The following GNG12 variants were observed in gnomAD, a reference collection of about 807,000 sequenced individuals.
GNG12 encodes the protein guanine nucleotide-binding protein G(I)/G(S)/G(O) subunit gamma-12.
For missense variants in GNG12, 69 were observed against 83.8 expected, an observed-to-expected ratio of 0.82 and a Z score of 0.69; for synonymous variants, 28 against 29.7, an observed-to-expected ratio of 0.94 and a Z score of 0.19.
chr1:67,709,878 T>A lies in GNG12; in HGVS notation c.-26-2166A>T, dbSNP rs1420661814. On this transcript the variant is annotated intron_variant, in intron 2 of 3. Coordinates refer to ENST00000370982, the MANE Select transcript of GNG12 (RefSeq NM_018841.6). ...TATATATATATAGTTATATATATAT[T>A]TATATATATAGTTATATATATATTT... Among the ~76,000 whole-genome samples the A allele has an allele frequency of 2.9e-4, 35 of 119,722 alleles. 2 individuals carry two copies. The highest frequency in any genetic ancestry group is 1.2e-3 in the African/African-American group (34 of 29,334). The allele number at this position is 119,722 out of a possible 152,430, so 78.5% of individuals were successfully genotyped here. A position where few individuals can be genotyped will look rare whatever the true frequency, so the allele number is the denominator to read the frequency against.
chr1:67,801,956 G>T (rs374291687), intron 1 of GNG12, among the ~76,000 whole-genome samples: 1 of 150,592 alleles, frequency 6.6e-6, no homozygotes, highest in Non-Finnish European at 1.5e-5. Context: ...AGAAGGAAGG[G>T]GGGTGAGGAA....
At chr1:67,813,900 CAT>C (rs1358565163) in intron 1 of GNG12, among the ~76,000 whole-genome samples, 6 of 151,702 alleles carry the variant, frequency 4.0e-5, no homozygotes, top group African/African-American at 4.8e-5. Flanking sequence ...TGTAAGTATT[CAT>C]ATATATATGT....
At chr1:67,750,270 C>T (rs989335544) in intron 2 of GNG12, among the ~76,000 whole-genome samples, 1 of 152,168 alleles carries the variant, frequency 6.6e-6, no homozygotes, top group Admixed American at 6.5e-5. Context: ...TGGTGTGCCT[C>T]TGGGGGATTA....
intron 1 of GNG12, among the ~76,000 whole-genome samples, chr1:67,797,812 A>G (rs535175445): frequency 1.3e-5 from 2 of 152,244 alleles, no homozygotes; most frequent in South Asian, 4.2e-4. Flanking sequence ...TAACGAGAGA[A>G]CCATCCCCTC....
chr1:67,774,790 T>C (rs559957742), intron 2 of GNG12, among the ~76,000 whole-genome samples: 1 of 152,292 alleles, frequency 6.6e-6, no homozygotes, highest in South Asian at 2.1e-4. Context: ...GATAATAGCA[T>C]AGTGTCTTTT....
chr1:67,737,148 T>A (rs1210089013), intron 2 of GNG12, among the ~76,000 whole-genome samples: 1 of 152,214 alleles, frequency 6.6e-6, no homozygotes, highest in Admixed American at 6.5e-5. Context: ...TAGTACTCAT[T>A]AGGTAAATTA....
intron 2 of GNG12, among the ~76,000 whole-genome samples, chr1:67,718,268 T>C (rs971278283): frequency 3.3e-5 from 5 of 152,152 alleles, no homozygotes; most frequent in African/African-American, 9.7e-5. Context: ...GAGGCCTCCT[T>C]TTGCTTCTGC....
chr1:67,788,072 T>G (rs2100779334), intron 1 of GNG12, among the ~76,000 whole-genome samples: 1 of 152,356 alleles, frequency 6.6e-6, no homozygotes, highest in South Asian at 2.1e-4. Flanking sequence ...CCAAGCTAAC[T>G]TGAATCCTTT....
rs1646223569 is a variant in GNG12, at chr1:67,702,858, A to C, written c.*2593T>G. On this transcript the variant is annotated 3_prime_UTR_variant, in exon 4 of 4. Transcript: ENST00000370982. Reference sequence around the variant, plus strand: ...GAATATATTGAAACAGCTTCATGGAAATGAAGCCAAGAAGTTGCATGTATA... The same window carrying C: ...GAATATATTGAAACAGCTTCATGGACATGAAGCCAAGAAGTTGCATGTATA... 1 of 152,196 alleles carries C rather than the reference A, an allele frequency of 6.6e-6. No homozygotes were observed. The highest frequency in any genetic ancestry group is 1.5e-5 in the Non-Finnish European group (1 of 68,022). The allele number at this position is 152,196 out of a possible 1,614,324, so 9.4% of individuals were successfully genotyped here. A position where few individuals can be genotyped will look rare whatever the true frequency, so the allele number is the denominator to read the frequency against.
At chr1:67,778,771 C>T (rs1234102441) in intron 1 of GNG12, among the ~76,000 whole-genome samples, 1 of 152,176 alleles carries the variant, frequency 6.6e-6, no homozygotes, top group Admixed American at 6.5e-5. Context: ...TTACCCACCA[C>T]CCTCTCAATT....
At chr1:67,793,782 C>T (rs1166355714) in intron 1 of GNG12, among the ~76,000 whole-genome samples, 1 of 152,216 alleles carries the variant, frequency 6.6e-6, no homozygotes, top group East Asian at 1.9e-4. Flanking sequence ...CTGTCCCCTC[C>T]TTCCTCAAAC....
At chr1:67,784,329 G>A (rs1019627379) in intron 1 of GNG12, among the ~76,000 whole-genome samples, 3 of 113,194 alleles carry the variant, frequency 2.7e-5, no homozygotes, top group Non-Finnish European at 5.2e-5. Context: ...GGTGGGGGGA[G>A]GGGGGAGGGA....
At chr1:67,720,397 A>C (rs1646350243) in intron 2 of GNG12, among the ~76,000 whole-genome samples, 1 of 152,184 alleles carries the variant, frequency 6.6e-6, no homozygotes, top group Admixed American at 6.5e-5. Context: ...TACAGTCAAC[A>C]CTAAGAATGA....
intron 2 of GNG12, among the ~76,000 whole-genome samples, chr1:67,717,522 A>T (rs1302385808): frequency 6.6e-6 from 1 of 152,078 alleles, no homozygotes; most frequent in African/African-American, 2.4e-5. Flanking sequence ...TCAAAAAAAA[A>T]AAAAAAGGAC....
intron 2 of GNG12, among the ~76,000 whole-genome samples, chr1:67,714,616 G>C (rs1646314543): frequency 6.6e-6 from 1 of 152,174 alleles, no homozygotes; most frequent in Non-Finnish European, 1.5e-5. Flanking sequence ...ATGGACTGGA[G>C]CCAGGCAGCA....
At chr1:67,726,530 G>C (rs1018306000) in intron 2 of GNG12, among the ~76,000 whole-genome samples, 3 of 152,186 alleles carry the variant, frequency 2.0e-5, no homozygotes, top group Non-Finnish European at 4.4e-5. Flanking sequence ...TGCTTTAGTT[G>C]AGTGATAAGG....
chr1:67,775,133 A>T (rs1557613361), intron 2 of GNG12, among the ~76,000 whole-genome samples: 1 of 152,234 alleles, frequency 6.6e-6, no homozygotes, highest in African/African-American at 2.4e-5. Flanking sequence ...ATCCACAATC[A>T]ATTAATCCAT....
chr1:67,821,762 A>G (rs1314371721), intron 1 of GNG12, among the ~76,000 whole-genome samples: 1 of 146,962 alleles, frequency 6.8e-6, no homozygotes, highest in East Asian at 2.0e-4. Context: ...ATTATAATTT[A>G]ATCAGCAGCT....
chr1:67,832,934 G>A (rs922223435), intron 1 of GNG12, among the ~76,000 whole-genome samples: 11 of 152,310 alleles, frequency 7.2e-5, no homozygotes, highest in African/African-American at 1.9e-4. Flanking sequence ...CTCCCAACCC[G>A]GCGCGGGGCG....
Sources: gnomAD v4.1 joint callset for allele counts (sites outside exome capture counted in the v4.1 genomes callset) on GRCh38, gnomAD v4.1.1 for gene constraint, MANE v1.5 for transcripts, NCBI Gene and HGNC (gene_info 2026-07-23, HGNC 2026-07-21) for gene names.